Variants in DSTYK observed in about 807,000 individuals in gnomAD.
DSTYK encodes the protein dual serine/threonine and tyrosine protein kinase.
DSTYK carries 34 observed loss-of-function variants against 98.7 expected under a neutral mutation model. The ratio of observed to expected loss-of-function variants is 0.34; its 90% CI spans 0.26 to 0.46. DSTYK has a LOEUF of 0.46. DSTYK is among the 20% of genes least tolerant of loss of function. The probability of loss-of-function intolerance (pLI) is 1.00; values close to 1 mark genes in which losing one functional copy is unlikely to be tolerated. For synonymous variants in DSTYK, 462 were observed against 457.3 expected (o/e 1.01, Z -0.13); for missense variants, 962 against 1,181.7 (o/e 0.81, Z 2.73).
Position 205,150,639 on chromosome 1 carries a change from G to T in DSTYK, c.2467+41C>A. On this transcript the variant is annotated intron_variant, in intron 11 of 12. Transcript: ENST00000367162. The surrounding 1 kb of genome is among the most constrained non-coding windows in gnomAD (Gnocchi z 4.1). ...AGGGGTAGCACTCAGGATTAAAGTA[G>T]TACGCCCTGCCCAGACCCACTGCCT... is the stretch of plus-strand genomic sequence containing the variant. The T allele has an allele frequency of 6.7e-7, 1 of 1,491,524 alleles. No individual in the cohort carries two copies. Among genetic ancestry groups the T allele is most frequent in the Non-Finnish European group, 9.3e-7 (1 of 1,072,546 alleles). The allele number at this position is 1,491,524 out of a possible 1,614,324, so 92.4% of individuals were successfully genotyped here.
At chr1:205,178,125 T>G (rs1482382893) in intron 2 of DSTYK, among the ~76,000 whole-genome samples, 1 of 152,048 alleles carries the variant, frequency 6.6e-6, no homozygotes, top group Non-Finnish European at 1.5e-5. Context: ...AGAATCACAG[T>G]CATAGCCCTC....
chr1:205,201,304 T>C lies in DSTYK; in HGVS notation c.265+9967A>G, dbSNP rs528265596. Among the ~76,000 whole-genome samples, 301 of 152,078 alleles carry C rather than the reference T, an allele frequency of 2.0e-3. 3 individuals carry two copies. Among genetic ancestry groups the C allele is most frequent in the African/African-American group, 7.1e-3 (293 of 41,482 alleles). On this transcript the variant is annotated intron_variant, in intron 1 of 12. Coordinates refer to ENST00000367162, the MANE Select transcript of DSTYK (RefSeq NM_015375.3). ...TGGCTACCCCATTCTCCATGATGTG[T>C]TTATTTCACATTGCATGCCTGTATC...
At chr1:205,148,419 G>A in intron 11 of DSTYK, 80 bp from the exon 12 acceptor site, 1 of 1,568,744 alleles carries the variant, frequency 6.4e-7, no homozygotes, top group East Asian at 2.2e-5. Context: ...CTCAGTAGAG[G>A]GTTGGCTTTT....
chr1:205,197,092 A>AAACATCTCCAGGGATGGGTTAACGT (rs1230342126), intron 1 of DSTYK, among the ~76,000 whole-genome samples: 2 of 152,154 alleles, frequency 1.3e-5, no homozygotes, highest in East Asian at 3.9e-4. Flanking sequence ...AAGGTGGAGA[A>AAACATCTCCAGGGATGGGTTAACGT]AACATCTCCA....
At position 205,146,337 on chromosome 1, in the gene DSTYK, A is replaced by G. The variant is rs1035483701; in HGVS notation, c.*1221T>C. On this transcript the variant is annotated 3_prime_UTR_variant, in exon 13 of 13. Transcript: ENST00000367162. ...CTCAGTTCTCACCCAAATACTTCGCATTGGGTTGGTTTTGCTTAGACACTC... is the reference window on the plus strand; with the variant it reads ...CTCAGTTCTCACCCAAATACTTCGCGTTGGGTTGGTTTTGCTTAGACACTC... 1.3e-5 allele frequency: 2 copies of G among 152,068 alleles called. No individual in the cohort carries two copies. Among genetic ancestry groups the G allele is most frequent in the Non-Finnish European group, 2.9e-5 (2 of 68,018 alleles). The allele number at this position is 152,068 out of a possible 1,614,324, so 9.4% of individuals were successfully genotyped here.
chr1:205,206,440 C>T (rs553894269), intron 1 of DSTYK, among the ~76,000 whole-genome samples: 3 of 150,284 alleles, frequency 2.0e-5, no homozygotes, highest in African/African-American at 7.3e-5. Flanking sequence ...CCACCATGCC[C>T]GGCTAATTTT....
chr1:205,192,376 T>A (rs1658737873), intron 1 of DSTYK, among the ~76,000 whole-genome samples: 1 of 151,630 alleles, frequency 6.6e-6, no homozygotes, highest in Admixed American at 6.6e-5. Flanking sequence ...CGTGCCTTTG[T>A]TTCTACTAAA....
intron 1 of DSTYK, among the ~76,000 whole-genome samples, chr1:205,190,524 G>C (rs1051175120): frequency 2.0e-5 from 3 of 147,734 alleles, no homozygotes; most frequent in African/African-American, 7.5e-5. Context: ...ACTGAGGCAG[G>C]AGAATCGCTT....
intron 1 of DSTYK, among the ~76,000 whole-genome samples, chr1:205,191,250 C>T (rs767278241): frequency 5.3e-5 from 8 of 152,244 alleles, no homozygotes; most frequent in Non-Finnish European, 1.2e-4. Flanking sequence ...GCTTCTCCCA[C>T]TAAATCTTTA....
intron 1 of DSTYK, among the ~76,000 whole-genome samples, chr1:205,204,390 A>G (rs1659139950): frequency 6.6e-6 from 1 of 151,588 alleles, no homozygotes; most frequent in African/African-American, 2.4e-5. Flanking sequence ...CCCACATTCC[A>G]TCTTTCTGTT....
At chr1:205,201,337 C>G (rs979595818) in intron 1 of DSTYK, among the ~76,000 whole-genome samples, 34 of 149,156 alleles carry the variant, frequency 2.3e-4, no homozygotes, top group African/African-American at 7.2e-4. Context: ...ATCAAAACAT[C>G]TCAGGTATCC....
In DSTYK at chr1:205,148,213, A is replaced by C. The variant is rs1231350255; in HGVS notation, c.2594T>G (p.Val865Gly). ...CASKDHLWNN[V>G]RRGARPERLP... ...GTACTTGTGGCTCTTACCCCTCCGC[A>C]CATTGTTCCAGAGATGGTCTTTGCT... Residue 865 changes from valine (V) to glycine (G), a missense_variant, in exon 12 of 13, where the codon GTG becomes GGG. Coordinates refer to ENST00000367162, the MANE Select transcript of DSTYK (RefSeq NM_015375.3). The C allele has an allele frequency of 7.4e-6, 12 of 1,614,118 alleles. No individual in the cohort carries two copies. The highest frequency in any genetic ancestry group is 1.0e-5 in the Non-Finnish European group (12 of 1,180,006).
At chr1:205,195,257 T>G (rs1658832271) in intron 1 of DSTYK, among the ~76,000 whole-genome samples, 1 of 152,176 alleles carries the variant, frequency 6.6e-6, no homozygotes. Context: ...AAGATGCATT[T>G]CCACAAATAG....
At chr1:205,205,673 G>A (rs1659178478) in intron 1 of DSTYK, among the ~76,000 whole-genome samples, 2 of 152,148 alleles carry the variant, frequency 1.3e-5, no homozygotes, top group Non-Finnish European at 2.9e-5. Context: ...TCGAGCTCCT[G>A]ACCTCAGGTG....
At chr1:205,202,825 G>A (rs996274126) in intron 1 of DSTYK, 14 of 501,644 alleles carry the variant, frequency 2.8e-5, no homozygotes, top group Admixed American at 1.6e-4. Flanking sequence ...TAATCTGTAT[G>A]AGCAGAGCCT....
At chr1:205,148,379 A>G in intron 11 of DSTYK, 40 bp from the exon 12 acceptor site, 1 of 1,607,782 alleles carries the variant, frequency 6.2e-7, no homozygotes, top group South Asian at 1.1e-5. Context: ...AGCCACAGAG[A>G]GTCAGGCAGC....
intron 7 of DSTYK, among the ~76,000 whole-genome samples, chr1:205,161,004 G>T (rs1657704497): frequency 6.6e-6 from 1 of 152,028 alleles, no homozygotes; most frequent in East Asian, 1.9e-4. Context: ...GAACTTCTGA[G>T]CTCAGGCAGT....
chr1:205,198,918 G>C (rs944056590), intron 1 of DSTYK, among the ~76,000 whole-genome samples: 4 of 148,678 alleles, frequency 2.7e-5, no homozygotes, highest in Non-Finnish European at 4.4e-5. Context: ...TTCAATCTCT[G>C]CCTCCCAGGT....
rs899034952 is a variant in DSTYK at position 205,159,542 on chromosome 1, C to T, written c.2238+5G>A. 1.2e-6 allele frequency: 2 copies of T among 1,609,578 alleles called. No individual in the cohort carries two copies. Among genetic ancestry groups the T allele is most frequent in the Non-Finnish European group, 1.7e-6 (2 of 1,178,140 alleles). ...GCTGCCAGCTGGATCTTGCTCTCTC[C>T]TTACCTTCAGCCCTGTGTAGAGATC... On this transcript the variant is annotated splice_donor_5th_base_variant and intron_variant, in intron 9 of 12. Transcript: ENST00000367162.
Sources: allele counts gnomAD v4.1 joint callset (sites outside exome capture counted in the v4.1 genomes callset), GRCh38; gene constraint gnomAD v4.1.1; non-coding constraint Gnocchi (gnomAD v3.1); transcripts MANE v1.5; gene names NCBI Gene and HGNC (gene_info 2026-07-23, HGNC 2026-07-21).